RRP1: variants seen among roughly 807,000 people sequenced by gnomAD.
RRP1 encodes the protein ribosomal RNA processing protein 1 homolog A.
In RRP1, 37 loss-of-function variants were observed where a neutral mutation model predicts 54.6. That is an observed-to-expected ratio of 0.68 (90% CI 0.52 to 0.89). The LOEUF (loss-of-function observed/expected upper bound fraction) is 0.89, where lower values mean the gene tolerates loss of function less well. RRP1 is among the 40% of genes least tolerant of loss of function. The pLI is 0.00. For missense variants in RRP1, 639 were observed against 612.5 expected (o/e 1.04, Z -0.46); for synonymous variants, 262 against 244.3 (o/e 1.07, Z -0.67).
chr21:43,802,538 C>T (rs149557844), intron 12 of RRP1, 151 bp downstream of exon 12: 43 of 651,010 alleles, frequency 6.6e-5, no homozygotes, highest in Non-Finnish European at 1.0e-4. Flanking sequence ...CCGGAAATGC[C>T]CTGTCCTCGG....
chr21:43,796,369 G>A (rs780823144), intron 5 of RRP1, among the ~76,000 whole-genome samples: 1 of 152,180 alleles, frequency 6.6e-6, no homozygotes, highest in Non-Finnish European at 1.5e-5. Context: ...AATGTTAAAG[G>A]GATGATTTTA....
rs772291941 is a variant in RRP1 at position 43,802,289 on chromosome 21, A to G, written c.1025A>G (p.Asp342Gly). ...QDLAGGIFPEDEIPEKACRRL... is the reference protein window; with the variant it reads ...QDLAGGIFPEGEIPEKACRRL... ...TGGTTCTCAGGCATTTTCCCTGAAG[A>G]TGAGATCCCAGAGAAGGCCTGCAGG... Residue 342 changes from aspartate (D) to glycine (G), a missense_variant, in exon 12 of 13, where the codon GAT becomes GGT. Transcript: ENST00000497547. 4.3e-6 allele frequency: 7 copies of G among 1,613,282 alleles called. No individual in the cohort carries two copies. Among genetic ancestry groups the G allele is most frequent in the Non-Finnish European group, 3.4e-6 (4 of 1,179,834 alleles).
rs1024555666 is a variant in RRP1 at position 43,789,793 on chromosome 21, G to A, written c.133+31G>A. 9 of 1,486,644 alleles carry A rather than the reference G, an allele frequency of 6.1e-6. No homozygotes were observed. The African/African-American group carries it at 1.0e-4, about 17-fold the overall frequency. 92.1% of individuals were successfully genotyped at this position (1,486,644 alleles called of 1,614,324 possible). Reference sequence around the variant, plus strand: ...CGGGGGTGTGGGCGGCTGGCGTCTCGGGGGCCGGCTGGGCTGGTGCGGGTG... The same window carrying A: ...CGGGGGTGTGGGCGGCTGGCGTCTCAGGGGCCGGCTGGGCTGGTGCGGGTG... On this transcript the variant is annotated intron_variant, in intron 1 of 12. Coordinates refer to ENST00000497547, the MANE Select transcript of RRP1 (RefSeq NM_003683.6).
chr21:43,792,921 C>A, intron 3 of RRP1, 192 bp downstream of exon 3: 1 of 609,370 alleles, frequency 1.6e-6, no homozygotes, highest in Non-Finnish European at 2.9e-6. Flanking sequence ...CATGGATTAG[C>A]TCATTTACCC....
intron 1 of RRP1, chr21:43,790,736 G>C: frequency 1.7e-5 from 5 of 287,776 alleles, no homozygotes; most frequent in South Asian, 1.5e-4. Flanking sequence ...TACTGGCACC[G>C]TGCGGCCAGG....
At chr21:43,799,762 G>C (rs1198438207) in intron 9 of RRP1, 113 bp downstream of exon 9, 11 of 1,000,468 alleles carry the variant, frequency 1.1e-5, no homozygotes, top group Middle Eastern at 3.0e-4. Flanking sequence ...TTGGCATGGA[G>C]AGTTACCCGG....
At chr21:43,801,354 G>A (rs1006015759) in intron 11 of RRP1, among the ~76,000 whole-genome samples, 10 of 152,238 alleles carry the variant, frequency 6.6e-5, no homozygotes, top group African/African-American at 1.9e-4. Context: ...GGATGTCTGC[G>A]TGTCCCTGCC....
intron 4 of RRP1, 50 bp downstream of exon 4, chr21:43,793,454 T>G: frequency 6.6e-7 from 1 of 1,526,464 alleles, no homozygotes; most frequent in African/African-American, 1.4e-5. Flanking sequence ...CGGGTCTCAG[T>G]GCCTGGCCAA....
intron 12 of RRP1, 67 bp downstream of exon 12, chr21:43,802,454 G>T: frequency 7.7e-7 from 1 of 1,297,778 alleles, no homozygotes. Context: ...CCCTGGATGG[G>T]GGTCACCTGC....
intron 9 of RRP1, 128 bp downstream of exon 9, chr21:43,799,777 G>A: frequency 2.3e-6 from 2 of 878,334 alleles, no homozygotes; most frequent in Non-Finnish European, 3.6e-6. Flanking sequence ...ACCCGGACAG[G>A]GGTTAGCTTT....
At chr21:43,790,028 T>G (rs1400865148) in intron 1 of RRP1, among the ~76,000 whole-genome samples, 1 of 152,116 alleles carries the variant, frequency 6.6e-6, no homozygotes, top group Admixed American at 6.5e-5. Flanking sequence ...AGGCGTCCCC[T>G]CCCTCCAGTA....
In RRP1 at chr21:43,804,049, C is replaced by T. The variant is rs2070539; in HGVS notation, c.*275C>T. 0.21 allele frequency: 93,538 copies of T among 439,440 alleles called. 11,836 individuals are homozygous for T. Among genetic ancestry groups the T allele is most frequent in the East Asian group, 0.47 (12,654 of 26,890 alleles). 27.2% of individuals were successfully genotyped at this position (439,440 alleles called of 1,614,324 possible). On this transcript the variant is annotated 3_prime_UTR_variant, in exon 13 of 13. Transcript: ENST00000497547. This position sits in a 1 kb window ranked among gnomAD's most constrained non-coding sequence, Gnocchi z 4.3. Reference sequence around the variant, plus strand: ...AAACTCTGCCTGCAGCAGGACTGGCCGCCCCTGCTGTGGGGGGTTCAGAAA... The same window carrying T: ...AAACTCTGCCTGCAGCAGGACTGGCTGCCCCTGCTGTGGGGGGTTCAGAAA...
chr21:43,796,934 G>A (rs1170169921), intron 5 of RRP1, among the ~76,000 whole-genome samples: 1 of 152,136 alleles, frequency 6.6e-6, no homozygotes, highest in African/African-American at 2.4e-5. Flanking sequence ...GTGCGGCAGG[G>A]CCCAGGAAGC....
rs1454700588 is a variant in RRP1, at chr21:43,797,709, G to A, written c.617+14G>A. 5 of 1,612,844 alleles carry A rather than the reference G, an allele frequency of 3.1e-6. No homozygotes were observed. Among genetic ancestry groups the A allele is most frequent in the Non-Finnish European group, 4.2e-6 (5 of 1,179,714 alleles). ...CCGGACCAAGGAGTAAGTGGTGGGT[G>A]GCCTGATCGGGCCCGACTCCTTCAC... is the stretch of plus-strand genomic sequence containing the variant. On this transcript the variant is annotated intron_variant, in intron 7 of 12. Transcript: ENST00000497547.
chr21:43,789,895 C>A (rs895697083), intron 1 of RRP1, 133 bp downstream of exon 1: 2 of 1,138,832 alleles, frequency 1.8e-6, no homozygotes, highest in African/African-American at 3.3e-5. Flanking sequence ...CAGGCGGGGT[C>A]CACTGGCCTG....
intron 5 of RRP1, 79 bp from the exon 6 acceptor site, chr21:43,797,343 T>C: frequency 6.5e-7 from 1 of 1,527,696 alleles, no homozygotes; most frequent in South Asian, 1.2e-5. Context: ...TCAGAGCGTG[T>C]AACCATGGGA....
chr21:43,800,953 G>C, intron 11 of RRP1, 72 bp downstream of exon 11: 1 of 1,530,818 alleles, frequency 6.5e-7, no homozygotes, highest in Non-Finnish European at 9.0e-7. Flanking sequence ...GAGTGGTTTG[G>C]TTCTAGGGGT....
chr21:43,798,171 G>A, intron 8 of RRP1, 71 bp downstream of exon 8: 2 of 1,371,126 alleles, frequency 1.5e-6, no homozygotes, highest in South Asian at 1.4e-5. Flanking sequence ...TCTCCTGCTG[G>A]GTTGCTCCTG....
At chr21:43,793,480 C>T (rs2084982085) in intron 4 of RRP1, 76 bp downstream of exon 4, 1 of 1,334,522 alleles carries the variant, frequency 7.5e-7, no homozygotes, top group East Asian at 2.3e-5. Flanking sequence ...ACAGGCGGCA[C>T]CTGGGCAGGG....
Sources: allele counts gnomAD v4.1 joint callset (sites outside exome capture counted in the v4.1 genomes callset), GRCh38; gene constraint gnomAD v4.1.1; non-coding constraint Gnocchi (gnomAD v3.1); transcripts MANE v1.5; gene names NCBI Gene and HGNC (gene_info 2026-07-23, HGNC 2026-07-21).